PSMG2: variants seen among roughly 807,000 people sequenced by gnomAD.
The protein encoded by PSMG2 is CD40 ligand-activated specific transcript 3.
Under a neutral mutation model 31.5 loss-of-function variants are expected in PSMG2, and 21 were observed. The ratio of observed to expected loss-of-function variants is 0.67; its 90% CI spans 0.47 to 0.96. PSMG2 has a LOEUF of 0.96. PSMG2 is among the 40% of genes least tolerant of loss of function. PSMG2 has a pLI of 0.00. For missense variants in PSMG2, 318 were observed against 321.2 expected (o/e 0.99, Z 0.08); for synonymous variants, 120 against 110.4 (o/e 1.09, Z -0.54).
intron 1 of PSMG2, among the ~76,000 whole-genome samples, chr18:12,705,567 G>GTGT (rs2040257948): frequency 7.0e-6 from 1 of 142,150 alleles, no homozygotes; most frequent in Non-Finnish European, 1.5e-5. Context: ...GAGAGAGAGA[G>GTGT]AGAGAGAGAG....
At chr18:12,710,422 T>G (rs567858217) in intron 2 of PSMG2, among the ~76,000 whole-genome samples, 307 of 152,320 alleles carry the variant, frequency 2.0e-3, no homozygotes, top group Non-Finnish European at 3.8e-3. Context: ...TACAAGTTTA[T>G]TTTGGTGCAA....
intron 1 of PSMG2, among the ~76,000 whole-genome samples, chr18:12,694,948 C>A (rs2039898726): frequency 6.6e-6 from 1 of 151,870 alleles, no homozygotes; most frequent in Non-Finnish European, 1.5e-5. Context: ...ATCTCCTGAC[C>A]TTGTGATCCG....
Position 12,680,642 on chromosome 18 carries a change from T to C in PSMG2, c.-37+21869T>C, listed in dbSNP as rs778393922. 2 of 1,515,044 alleles carry C rather than the reference T, an allele frequency of 1.3e-6. 1 individual carries two copies. The highest frequency in any genetic ancestry group is 2.4e-5 in the South Asian group (2 of 82,846). The allele number at this position is 1,515,044 out of a possible 1,614,324, so 93.9% of individuals were successfully genotyped here. A position where few individuals can be genotyped will look rare whatever the true frequency, so the allele number is the denominator to read the frequency against. ...ACTTATAACTTCATTTTAATATCCT[T>C]ATAAACTTAGTAAACTAACCTGTGT... On this transcript the variant is annotated intron_variant, in intron 1 of 6. Transcript: ENST00000585331.
intron 1 of PSMG2, chr18:12,685,175 CT>C (rs1233370320): frequency 1.3e-5 from 2 of 151,852 alleles, no homozygotes; most frequent in Non-Finnish European, 2.9e-5. Flanking sequence ...TAATTTTGTA[CT>C]TTTAGTGGAG....
At chr18:12,697,547 G>A in intron 1 of PSMG2, 2 of 609,180 alleles carry the variant, frequency 3.3e-6, no homozygotes, top group South Asian at 2.8e-5. Flanking sequence ...CAGAAAGCAT[G>A]CAAAAAACTG....
intron 1 of PSMG2, among the ~76,000 whole-genome samples, chr18:12,674,365 C>T (rs968449750): frequency 1.3e-5 from 2 of 151,378 alleles, no homozygotes; most frequent in Non-Finnish European, 2.9e-5. Context: ...TCACTTGGGC[C>T]CAGGAGGTCA....
upstream of PSMG2, among the ~76,000 whole-genome samples, chr18:12,700,753 T>G (rs1377887347): frequency 6.6e-6 from 1 of 152,138 alleles, no homozygotes; most frequent in Non-Finnish European, 1.5e-5. Flanking sequence ...ATAAGATATC[T>G]AACACAAATT....
chr18:12,718,881 C>G (rs867306720), intron 4 of PSMG2, among the ~76,000 whole-genome samples: 2 of 151,984 alleles, frequency 1.3e-5, no homozygotes, highest in Non-Finnish European at 2.9e-5. Flanking sequence ...AGTTTGGGAA[C>G]CATGTTTTTA....
chr18:12,705,572 A>AGTGTGT (rs1341255881), intron 1 of PSMG2, among the ~76,000 whole-genome samples: 58 of 129,326 alleles, frequency 4.5e-4, no homozygotes, highest in East Asian at 2.9e-3. Flanking sequence ...AGAGAGAGAG[A>AGTGTGT]GAGAGTGTGT....
chr18:12,709,961 G>C, intron 2 of PSMG2, among the ~76,000 whole-genome samples: 1 of 107,938 alleles, frequency 9.3e-6, no homozygotes, highest in Admixed American at 1.0e-4. Context: ...TTTTTTTTTT[G>C]AGATGGAGTC....
chr18:12,707,068 A>G (rs1568040220), intron 2 of PSMG2, among the ~76,000 whole-genome samples: 1 of 151,642 alleles, frequency 6.6e-6, no homozygotes, highest in African/African-American at 2.4e-5. Flanking sequence ...CCATTCTCCT[A>G]CCTCAGCCTC....
chr18:12,697,531 A>G, intron 1 of PSMG2: 4 of 683,660 alleles, frequency 5.9e-6, no homozygotes, highest in Non-Finnish European at 9.2e-6. Context: ...CAATTTGCTA[A>G]TGTCTCAGAA....
rs756627276 is a variant in PSMG2, at chr18:12,664,859, C to T, written c.-37+6086C>T. Among the ~76,000 whole-genome samples the T allele has an allele frequency of 4.8e-4, 73 of 150,752 alleles. 1 individual carries two copies. The highest frequency in any genetic ancestry group is 8.1e-4 in the Non-Finnish European group (55 of 67,734). ...GATTACAGGCGCCCGTCACCATGCCCAGCTAACTTTTGTATTTTTAGTAGA... is the reference window on the plus strand; with the variant it reads ...GATTACAGGCGCCCGTCACCATGCCTAGCTAACTTTTGTATTTTTAGTAGA... On this transcript the variant is annotated intron_variant, in intron 1 of 6. Transcript: ENST00000585331.
intron 2 of PSMG2, among the ~76,000 whole-genome samples, chr18:12,709,733 C>CA (rs1353923197): frequency 6.6e-6 from 1 of 151,932 alleles, no homozygotes; most frequent in African/African-American, 2.4e-5. Flanking sequence ...CTCCTGACCT[C>CA]AGGTGATCCA....
chr18:12,682,144 G>A (rs781161328), intron 1 of PSMG2, among the ~76,000 whole-genome samples: 1 of 152,128 alleles, frequency 6.6e-6, no homozygotes, highest in Non-Finnish European at 1.5e-5. Flanking sequence ...TGAGTTGAGT[G>A]TCCGAATGAA....
upstream of PSMG2, chr18:12,701,024 A>G (rs1259450104): frequency 3.1e-6 from 5 of 1,613,832 alleles, no homozygotes; most frequent in Non-Finnish European, 8.5e-7. Flanking sequence ...CTTTGATCAA[A>G]TCTTCTGTTG....
upstream of PSMG2, among the ~76,000 whole-genome samples, chr18:12,700,766 A>G (rs1230870568): frequency 6.6e-6 from 1 of 152,178 alleles, no homozygotes; most frequent in East Asian, 1.9e-4. Context: ...CACAAATTTC[A>G]TTGATACACA....
intron 1 of PSMG2, among the ~76,000 whole-genome samples, chr18:12,672,247 T>C (rs184926119): frequency 1.3e-4 from 20 of 151,944 alleles, no homozygotes; most frequent in Admixed American, 1.2e-3. Context: ...CCTGAGTAGC[T>C]GGGATTACAG....
intron 1 of PSMG2, among the ~76,000 whole-genome samples, chr18:12,666,864 A>G (rs2038814830): frequency 6.6e-6 from 1 of 152,190 alleles, no homozygotes; most frequent in African/African-American, 2.4e-5. Flanking sequence ...GAAGATTCCA[A>G]TTTAACATCT....
Sources: gnomAD v4.1 joint callset for allele counts (sites outside exome capture counted in the v4.1 genomes callset) on GRCh38, gnomAD v4.1.1 for gene constraint, MANE v1.5 for transcripts, NCBI Gene and HGNC (gene_info 2026-07-23, HGNC 2026-07-21) for gene names.